The following BTBD9 variants were observed in gnomAD, a reference collection of about 807,000 sequenced individuals.
BTBD9 encodes BTB domain containing 9, also known as BTB/POZ domain-containing protein 9.
BTBD9 carries 49 observed loss-of-function variants against 64.3 expected under a neutral mutation model. The ratio of observed to expected loss-of-function variants is 0.76; its 90% CI spans 0.61 to 0.97. The LOEUF is 0.97. Ranked by LOEUF, BTBD9 falls within the 50% of genes least tolerant of loss-of-function variation. The probability of loss-of-function intolerance (pLI) is 0.00; values close to 1 mark genes in which losing one functional copy is unlikely to be tolerated. For missense variants in BTBD9, 598 were observed against 762.1 expected (o/e 0.78, Z 2.53); for synonymous variants, 260 against 274.7 (o/e 0.95, Z 0.53).
intron 6 of BTBD9, among the ~76,000 whole-genome samples, chr6:38,418,722 CTG>C (rs1767780878): frequency 6.6e-6 from 1 of 152,210 alleles, no homozygotes; most frequent in Admixed American, 6.5e-5. Flanking sequence ...ATATGTATAA[CTG>C]TATTTTATAC....
At chr6:38,302,485 G>GTATATGTATATATATATATATATA (rs1554137023) in intron 7 of BTBD9, among the ~76,000 whole-genome samples, 1 of 106,908 alleles carries the variant, frequency 9.4e-6, no homozygotes, top group African/African-American at 3.5e-5. Context: ...TTGTGTGTAT[G>GTATATGTATATATATATATATATA]TATATATATA....
intron 6 of BTBD9, among the ~76,000 whole-genome samples, chr6:38,473,407 C>T (rs1283354180): frequency 6.6e-6 from 1 of 152,204 alleles, no homozygotes; most frequent in African/African-American, 2.4e-5. Context: ...AGTTTTCATC[C>T]TTAAATTCCA....
chr6:38,463,157 A>G (rs1326748196), intron 6 of BTBD9, among the ~76,000 whole-genome samples: 1 of 152,238 alleles, frequency 6.6e-6, no homozygotes, highest in African/African-American at 2.4e-5. Context: ...GCTATAATAA[A>G]TGAGTTTTTA....
chr6:38,265,324 T>C (rs924569726), intron 8 of BTBD9, among the ~76,000 whole-genome samples: 1 of 152,056 alleles, frequency 6.6e-6, no homozygotes, highest in East Asian at 1.9e-4. Context: ...TTTGATATAG[T>C]ATAATTATTT....
chr6:38,534,395 AG>A (rs1226908069), intron 6 of BTBD9, among the ~76,000 whole-genome samples: 1 of 151,760 alleles, frequency 6.6e-6, no homozygotes, highest in Non-Finnish European at 1.5e-5. Flanking sequence ...AGCAAAGAAA[AG>A]CCTGGGACCC....
intron 6 of BTBD9, among the ~76,000 whole-genome samples, chr6:38,545,505 C>A (rs1482474377): frequency 6.6e-6 from 1 of 151,956 alleles, no homozygotes. Flanking sequence ...TTAGGCTGGG[C>A]GCAATGGCTC....
chr6:38,319,118 G>A (rs781130393), intron 7 of BTBD9, among the ~76,000 whole-genome samples: 2 of 152,028 alleles, frequency 1.3e-5, no homozygotes, highest in Non-Finnish European at 2.9e-5. Flanking sequence ...GTTAGTTTGT[G>A]GTGTATGCTG....
At chr6:38,587,521 C>T in intron 4 of BTBD9, 3 of 566,708 alleles carry the variant, frequency 5.3e-6, no homozygotes, top group South Asian at 1.6e-5. Flanking sequence ...AGATGACGAT[C>T]TTATAACAAT....
chr6:38,267,124 C>T (rs1765038529), intron 8 of BTBD9, among the ~76,000 whole-genome samples: 2 of 152,220 alleles, frequency 1.3e-5, no homozygotes, highest in Admixed American at 6.5e-5. Flanking sequence ...CCTGCCCAGA[C>T]GATAGGGCTT....
At chr6:38,458,976 G>A (rs750537515) in intron 6 of BTBD9, among the ~76,000 whole-genome samples, 4 of 152,058 alleles carry the variant, frequency 2.6e-5, no homozygotes, top group African/African-American at 7.2e-5. Context: ...CAGGCAAAGC[G>A]TAATTCATGC....
chr6:38,452,620 G>C (rs1017637575), intron 6 of BTBD9, among the ~76,000 whole-genome samples: 1 of 151,904 alleles, frequency 6.6e-6, no homozygotes. Context: ...TGAATGAAAA[G>C]AACTTGGCAA....
intron 1 of BTBD9, among the ~76,000 whole-genome samples, chr6:38,600,462 G>A (rs1010769415): frequency 1.3e-5 from 2 of 152,122 alleles, no homozygotes; most frequent in African/African-American, 4.8e-5. Context: ...CCCAGTTGAT[G>A]TTCCTATGAT....
At chr6:38,183,501 C>T (rs973286663) in intron 10 of BTBD9, among the ~76,000 whole-genome samples, 1 of 152,162 alleles carries the variant, frequency 6.6e-6, no homozygotes, top group Non-Finnish European at 1.5e-5. Flanking sequence ...ACTGCTCGCT[C>T]CCCTCAGTGC....
At chr6:38,421,922 A>T (rs2745384) in intron 6 of BTBD9, among the ~76,000 whole-genome samples, 74,207 of 152,126 alleles carry the variant, frequency 0.49, 18,662 homozygotes, top group Middle Eastern at 0.64. Context: ...AGTAATGATC[A>T]GTTACTCTTG....
At chr6:38,411,386 G>C (rs147362776) in intron 6 of BTBD9, among the ~76,000 whole-genome samples, 43 of 152,244 alleles carry the variant, frequency 2.8e-4, no homozygotes, top group African/African-American at 1.0e-3. Flanking sequence ...CCAAGATATA[G>C]AGCCAAACTA....
At chr6:38,373,926 A>T (rs2127607154) in intron 6 of BTBD9, among the ~76,000 whole-genome samples, 1 of 152,176 alleles carries the variant, frequency 6.6e-6, no homozygotes, top group African/African-American at 2.4e-5. Context: ...GGCAAGCAAC[A>T]TTTTACTCTG....
chr6:38,639,390 T>G (rs1403739911), intron 1 of BTBD9, among the ~76,000 whole-genome samples: 1 of 152,044 alleles, frequency 6.6e-6, no homozygotes, highest in Non-Finnish European at 1.5e-5. Context: ...GCAGGGGAGA[T>G]GAGGGCCCCA....
At chr6:38,536,591 T>G (rs1314327197) in intron 6 of BTBD9, among the ~76,000 whole-genome samples, 1 of 152,042 alleles carries the variant, frequency 6.6e-6, no homozygotes, top group Non-Finnish European at 1.5e-5. Flanking sequence ...GTCCATCAAC[T>G]GACGAATGGA....
At chr6:38,586,239 G>T (rs1776514355) in intron 4 of BTBD9, among the ~76,000 whole-genome samples, 4 of 152,046 alleles carry the variant, frequency 2.6e-5, no homozygotes, top group African/African-American at 2.4e-5. Context: ...TAAATGTTTG[G>T]CAGAGGTACA....
Sources: allele counts gnomAD v4.1 joint callset (sites outside exome capture counted in the v4.1 genomes callset), GRCh38; gene constraint gnomAD v4.1.1; transcripts MANE v1.5; gene names NCBI Gene and HGNC (gene_info 2026-07-23, HGNC 2026-07-21).